TFCP2: variants seen among roughly 807,000 people sequenced by gnomAD.
TFCP2 encodes the protein transcription factor CP2.
A neutral mutation model predicts 73.4 loss-of-function variants in TFCP2; 33 were observed. The ratio of observed to expected loss-of-function variants is 0.45; its 90% confidence interval spans 0.34 to 0.60. The LOEUF (loss-of-function observed/expected upper bound fraction) is 0.60. TFCP2 is among the 20% of genes least tolerant of loss of function. The pLI, the probability that TFCP2 is intolerant of heterozygous loss-of-function variation, is 0.01. For missense variants in TFCP2, 352 were observed against 604.0 expected, an observed-to-expected ratio of 0.58 and a Z score of 4.37; for synonymous variants, 193 against 211.6, an observed-to-expected ratio of 0.91 and a Z score of 0.76.
intron 1 of TFCP2, among the ~76,000 whole-genome samples, chr12:51,121,301 C>A (rs1439404561): frequency 1.3e-5 from 2 of 151,492 alleles, no homozygotes; most frequent in Non-Finnish European, 2.9e-5. Context: ...CGCGCCTAGT[C>A]CCAGCTACTT....
intron 1 of TFCP2, chr12:51,125,456 T>A (rs1432580404): frequency 5.3e-6 from 2 of 378,840 alleles, no homozygotes; most frequent in South Asian, 2.0e-5. Context: ...CTGACCTCCA[T>A]ATGAATCAAC....
intron 10 of TFCP2, among the ~76,000 whole-genome samples, chr12:51,102,293 C>T (rs777054657): frequency 3.9e-5 from 6 of 152,090 alleles, no homozygotes; most frequent in Admixed American, 6.6e-5. Flanking sequence ...AATAACCTTC[C>T]ACTATCTAAG....
intron 3 of TFCP2, among the ~76,000 whole-genome samples, 164 bp from the exon 4 acceptor site, chr12:51,116,584 T>C (rs970404132): frequency 3.8e-4 from 58 of 152,158 alleles, no homozygotes; most frequent in African/African-American, 1.4e-3. Context: ...CTAAGTGCTA[T>C]TTCAGGATAA....
intron 3 of TFCP2, 99 bp from the exon 4 acceptor site, chr12:51,116,519 C>A (rs531860490): frequency 1.8e-6 from 1 of 542,162 alleles, no homozygotes; most frequent in Non-Finnish European, 3.2e-6. Flanking sequence ...TGTTTCTAAA[C>A]GCAATCTAAA....
At chr12:51,131,260 G>A (rs1468290568) in intron 1 of TFCP2, among the ~76,000 whole-genome samples, 2 of 150,534 alleles carry the variant, frequency 1.3e-5, no homozygotes, top group Admixed American at 6.6e-5. Flanking sequence ...GTGTGAACCC[G>A]GGAGGTGGAG....
chr12:51,113,628 T>A (rs1000341506), intron 4 of TFCP2, among the ~76,000 whole-genome samples: 2 of 152,086 alleles, frequency 1.3e-5, no homozygotes, highest in African/African-American at 4.8e-5. Flanking sequence ...AAGTTGGAGT[T>A]CTCATGCTTC....
intron 13 of TFCP2, among the ~76,000 whole-genome samples, chr12:51,096,276 A>G (rs936502600): frequency 1.3e-5 from 2 of 152,174 alleles, no homozygotes; most frequent in East Asian, 3.8e-4. Context: ...CCTGGTATGC[A>G]TTTCCCTGGG....
chr12:51,107,600 CA>C (rs1289107149), intron 6 of TFCP2, among the ~76,000 whole-genome samples: 1 of 152,066 alleles, frequency 6.6e-6, no homozygotes, highest in African/African-American at 2.4e-5. Flanking sequence ...AATCAAGTCT[CA>C]AAACATTTCT....
intron 1 of TFCP2, 48 bp from the exon 2 acceptor site, chr12:51,118,820 C>A: frequency 6.3e-7 from 1 of 1,598,306 alleles, no homozygotes; most frequent in African/African-American, 1.3e-5. Context: ...ATGGTGCAAA[C>A]GCAGGTTTAT....
intron 4 of TFCP2, among the ~76,000 whole-genome samples, chr12:51,114,784 C>A (rs1349479188): frequency 6.6e-6 from 1 of 151,892 alleles, no homozygotes; most frequent in Non-Finnish European, 1.5e-5. Context: ...AAGCAACAGG[C>A]CAGGTGTGGT....
chr12:51,172,533 C>A lies in TFCP2; in HGVS notation c.-111G>T. ...AAGAAAACTACAAACCAAGGTTTCC[C>A]ACGCAGTGCCCACCAGCCACCCCCA... is the stretch of plus-strand genomic sequence containing the variant. On this transcript the variant is annotated 5_prime_UTR_variant, in exon 1 of 15. Transcript: ENST00000257915. 1 of 1,463,466 alleles carries A rather than the reference C, an allele frequency of 6.8e-7. No homozygotes were observed. Among genetic ancestry groups the A allele is most frequent in the Non-Finnish European group, 9.3e-7 (1 of 1,077,220 alleles). 90.7% of individuals were successfully genotyped at this position (1,463,466 alleles called of 1,614,324 possible).
At chr12:51,137,452 G>GAAA (rs1941086555) in intron 1 of TFCP2, among the ~76,000 whole-genome samples, 1 of 152,116 alleles carries the variant, frequency 6.6e-6, no homozygotes, top group Admixed American at 6.6e-5. Context: ...GATATTAAAA[G>GAAA]TTTAATCAAA....
At chr12:51,101,493 C>T (rs1196464739) in intron 11 of TFCP2, among the ~76,000 whole-genome samples, 1 of 152,054 alleles carries the variant, frequency 6.6e-6, no homozygotes, top group Admixed American at 6.6e-5. Context: ...CCCTTCCTGA[C>T]CATATTCTGG....
rs148707484 is a variant in TFCP2 at position 51,108,802 on chromosome 12, G to T, written c.717+319C>A. On this transcript the variant is annotated intron_variant, in intron 6 of 14. Transcript: ENST00000257915. ...AAATAAATAAGACCAAATAAGAAAA[G>T]ATCAAGTATGAAAATAACCATAACT... Among the ~76,000 whole-genome samples, 25 of 152,192 alleles carry T rather than the reference G, an allele frequency of 1.6e-4. No homozygotes were observed. In the East Asian group the frequency reaches 4.8e-3, roughly 29 times the overall value.
intron 1 of TFCP2, among the ~76,000 whole-genome samples, chr12:51,148,933 G>A (rs917906617): frequency 1.4e-5 from 2 of 144,082 alleles, no homozygotes; most frequent in Non-Finnish European, 3.0e-5. Flanking sequence ...GCTGAGGCAG[G>A]AGAATCTCTT....
At chr12:51,105,005 C>G (rs1356535618) in intron 8 of TFCP2, among the ~76,000 whole-genome samples, 1 of 151,682 alleles carries the variant, frequency 6.6e-6, no homozygotes, top group Non-Finnish European at 1.5e-5. Context: ...AGCCACCGCG[C>G]CCGGCAAAAA....
intron 1 of TFCP2, among the ~76,000 whole-genome samples, chr12:51,170,175 T>C (rs1401522168): frequency 3.3e-5 from 5 of 152,196 alleles, no homozygotes; most frequent in Non-Finnish European, 5.9e-5. Context: ...CCTCTGTTTT[T>C]ATGCTCAGAC....
chr12:51,102,006 T>C lies in TFCP2; in HGVS notation c.1080A>G (p.Leu360=). Residue 360 remains leucine, a synonymous_variant, in exon 11 of 15, where the codon TTA becomes TTG. Transcript: ENST00000257915. ...AGATTTGGATCACATCATCTCTAGT[T>C]AATTTCAATAAATCTGCCCCTGGAA... ...TNFSGADLLK[L]TRDDVIQICG... 6.2e-7 allele frequency: 1 copy of C among 1,611,808 alleles called. No individual in the cohort carries two copies. The highest frequency in any genetic ancestry group is 8.5e-7 in the Non-Finnish European group (1 of 1,178,136).
intron 14 of TFCP2, 89 bp downstream of exon 14, chr12:51,095,900 T>C (rs1939954783): frequency 3.0e-6 from 3 of 995,872 alleles, no homozygotes; most frequent in Non-Finnish European, 4.4e-6. Flanking sequence ...TGGTTACTTT[T>C]CCTATCTCTC....
Sources: gnomAD v4.1 joint callset for allele counts (sites outside exome capture counted in the v4.1 genomes callset) on GRCh38, gnomAD v4.1.1 for gene constraint, MANE v1.5 for transcripts, NCBI Gene and HGNC (gene_info 2026-07-23, HGNC 2026-07-21) for gene names.